KCNK13: variants seen among roughly 807,000 people sequenced by gnomAD.
The protein encoded by KCNK13 is potassium channel subfamily K member 13.
Under a neutral mutation model 23.4 loss-of-function variants are expected in KCNK13, and 12 were observed. That is an observed-to-expected ratio of 0.51 (90% confidence interval 0.33 to 0.83). KCNK13 has a LOEUF of 0.83. Among genes scored for constraint, KCNK13 ranks in the 40% least tolerant of loss-of-function variants. The pLI is 0.02. For synonymous variants in KCNK13, 231 were observed against 229.5 expected, an observed-to-expected ratio of 1.01 and a Z score of -0.06; for missense variants, 463 against 556.3, an observed-to-expected ratio of 0.83 and a Z score of 1.69.
At chr14:90,079,777 A>G (rs1566947764) in intron 1 of KCNK13, among the ~76,000 whole-genome samples, 1 of 152,190 alleles carries the variant, frequency 6.6e-6, no homozygotes, top group African/African-American at 2.4e-5. Flanking sequence ...AGGAACTCAG[A>G]AAGAAAAAGA....
intron 1 of KCNK13, among the ~76,000 whole-genome samples, chr14:90,164,625 T>TG (rs1479666128): frequency 6.6e-6 from 1 of 152,230 alleles, no homozygotes; most frequent in Non-Finnish European, 1.5e-5. Flanking sequence ...GTATACCTAG[T>TG]GGTTCAGTAG....
chr14:90,123,436 AG>A (rs1160341769), intron 1 of KCNK13, among the ~76,000 whole-genome samples: 1 of 152,146 alleles, frequency 6.6e-6, no homozygotes, highest in East Asian at 1.9e-4. Flanking sequence ...AGATTGGATT[AG>A]GGCCCACACT....
intron 1 of KCNK13, among the ~76,000 whole-genome samples, chr14:90,154,156 C>T (rs1193304637): frequency 2.0e-5 from 3 of 152,178 alleles, no homozygotes; most frequent in African/African-American, 7.2e-5. Flanking sequence ...TGCCAACAGT[C>T]CTGAATGATC....
rs191891802 is a variant in KCNK13, at chr14:90,132,883, A to G, written c.335-51228A>G. ...TAACACCCTGAGAGACACTATTTCC[A>G]TGATCCTCATTTCCTGCCACTTCAC... On this transcript the variant is annotated intron_variant, in intron 1 of 1. Coordinates refer to ENST00000282146, the MANE Select transcript of KCNK13 (RefSeq NM_022054.4). Among the ~76,000 whole-genome samples the G allele has an allele frequency of 3.8e-4, 58 of 152,312 alleles. 1 individual carries two copies. In the East Asian group the frequency reaches 7.5e-3, roughly 20 times the overall value.
chr14:90,111,384 C>T (rs1007974227), intron 1 of KCNK13, among the ~76,000 whole-genome samples: 7 of 152,180 alleles, frequency 4.6e-5, no homozygotes, highest in Non-Finnish European at 1.0e-4. Context: ...ACATTTCACA[C>T]ATACACAGAG....
chr14:90,127,192 G>A (rs1230942915), intron 1 of KCNK13, among the ~76,000 whole-genome samples: 3 of 152,034 alleles, frequency 2.0e-5, no homozygotes, highest in Admixed American at 1.3e-4. Flanking sequence ...CTGTATTATC[G>A]TCACAACGTT....
chr14:90,153,539 T>G (rs1170059856), intron 1 of KCNK13, among the ~76,000 whole-genome samples: 1 of 152,224 alleles, frequency 6.6e-6, no homozygotes, highest in Non-Finnish European at 1.5e-5. Flanking sequence ...TATTTATGAG[T>G]CTATTTTCAC....
At chr14:90,178,330 T>C (rs951495325) in intron 1 of KCNK13, among the ~76,000 whole-genome samples, 2 of 151,886 alleles carry the variant, frequency 1.3e-5, no homozygotes, top group Non-Finnish European at 2.9e-5. Context: ...TCGCTCTTGT[T>C]GCCCAGGCTA....
intron 1 of KCNK13, among the ~76,000 whole-genome samples, chr14:90,101,086 T>G (rs912655449): frequency 2.0e-5 from 3 of 152,122 alleles, no homozygotes. Context: ...TCGAGGTACT[T>G]CAATCCCCTG....
chr14:90,158,914 C>T (rs1286014276), intron 1 of KCNK13, among the ~76,000 whole-genome samples: 2 of 152,210 alleles, frequency 1.3e-5, no homozygotes, highest in African/African-American at 4.8e-5. Flanking sequence ...TGTGGGTCCC[C>T]AGTTGGAAGA....
chr14:90,165,423 G>A (rs1029691346), intron 1 of KCNK13, among the ~76,000 whole-genome samples: 1 of 152,152 alleles, frequency 6.6e-6, no homozygotes, highest in Non-Finnish European at 1.5e-5. Context: ...AATTCAAAAA[G>A]GCAGGCAGAT....
chr14:90,147,941 T>A (rs1467466426), intron 1 of KCNK13, among the ~76,000 whole-genome samples: 1 of 152,106 alleles, frequency 6.6e-6, no homozygotes, highest in Non-Finnish European at 1.5e-5. Context: ...GAGGCTGAGA[T>A]GGGCAGATCA....
intron 1 of KCNK13, among the ~76,000 whole-genome samples, chr14:90,077,889 A>G (rs751072586): frequency 2.0e-5 from 3 of 152,216 alleles, no homozygotes; most frequent in Admixed American, 2.0e-4. Context: ...CATTCCCAAC[A>G]GAATCACGAA....
chr14:90,071,025 T>C (rs1889068155), intron 1 of KCNK13, among the ~76,000 whole-genome samples: 2 of 152,202 alleles, frequency 1.3e-5, no homozygotes, highest in South Asian at 4.1e-4. Context: ...GACACAGCCC[T>C]CACTCTCCAT....
At chr14:90,157,011 TAGAA>T (rs1890201865) in intron 1 of KCNK13, among the ~76,000 whole-genome samples, 1 of 152,196 alleles carries the variant, frequency 6.6e-6, no homozygotes, top group African/African-American at 2.4e-5. Flanking sequence ...CAAGTAAACA[TAGAA>T]AGTGCACTTA....
At position 90,135,735 on chromosome 14, in the gene KCNK13, A is replaced by C. The variant is rs557114065; in HGVS notation, c.335-48376A>C. Among the ~76,000 whole-genome samples the C allele has an allele frequency of 8.7e-4, 133 of 152,192 alleles. 1 individual carries two copies. The highest frequency in any genetic ancestry group is 3.1e-3 in the African/African-American group (130 of 41,522). Reference sequence around the variant, plus strand: ...AAGCCATGCTGGTGCCCTCTTCAAGAAAAGGACTCTTTTTTGTTCTGTGTT... The same window carrying C: ...AAGCCATGCTGGTGCCCTCTTCAAGCAAAGGACTCTTTTTTGTTCTGTGTT... On this transcript the variant is annotated intron_variant, in intron 1 of 1. Transcript: ENST00000282146.
chr14:90,131,483 G>A (rs1220765924), intron 1 of KCNK13, among the ~76,000 whole-genome samples: 1 of 152,150 alleles, frequency 6.6e-6, no homozygotes, highest in Non-Finnish European at 1.5e-5. Context: ...GCCTGCCTCA[G>A]CCTCCCAAAG....
At chr14:90,067,356 C>G (rs886718675) in intron 1 of KCNK13, among the ~76,000 whole-genome samples, 3 of 152,082 alleles carry the variant, frequency 2.0e-5, no homozygotes, top group African/African-American at 7.2e-5. Flanking sequence ...ATAAGCCAGA[C>G]ACAGAAGGAC....
chr14:90,076,486 C>G (rs1038404008), intron 1 of KCNK13, among the ~76,000 whole-genome samples: 1 of 152,182 alleles, frequency 6.6e-6, no homozygotes, highest in Admixed American at 6.5e-5. Flanking sequence ...ATTCCAATAA[C>G]TCATTGGCGT....
Sources: allele counts gnomAD v4.1 joint callset (sites outside exome capture counted in the v4.1 genomes callset), GRCh38; gene constraint gnomAD v4.1.1; transcripts MANE v1.5; gene names NCBI Gene and HGNC (gene_info 2026-07-23, HGNC 2026-07-21).